Variants in NLRP14 observed in about 807,000 individuals in gnomAD.
NLRP14 encodes NLR family pyrin domain containing 14, also known as NACHT, LRR and PYD domains-containing protein 14.
Under a neutral mutation model 94.7 loss-of-function variants are expected in NLRP14, and 105 were observed. The observed-to-expected ratio is 1.11, with a 90% CI of 0.95 to 1.30. The LOEUF is 1.30. NLRP14 is among the 50% of genes most tolerant of loss of function. The probability of loss-of-function intolerance (pLI) is 0.00; values close to 1 mark genes in which losing one functional copy is unlikely to be tolerated. For missense variants in NLRP14, 1,362 were observed against 1,254.1 expected, an observed-to-expected ratio of 1.09 and a Z score of -1.30; for synonymous variants, 508 against 459.9, an observed-to-expected ratio of 1.10 and a Z score of -1.34.
At chr11:7,056,542 A>G (rs1852518865) in intron 6 of NLRP14, among the ~76,000 whole-genome samples, 1 of 150,274 alleles carries the variant, frequency 6.7e-6, no homozygotes, top group African/African-American at 2.4e-5. Context: ...AGAAATCTCA[A>G]GAAACTCATA....
At chr11:7,044,806 A>G (rs1490236799) in intron 4 of NLRP14, among the ~76,000 whole-genome samples, 2 of 152,102 alleles carry the variant, frequency 1.3e-5, no homozygotes, top group Non-Finnish European at 2.9e-5. Flanking sequence ...GTTGTTGGCA[A>G]CCATCTCTAT....
At chr11:7,046,591 C>T (rs1160886853) in intron 4 of NLRP14, 77 bp from the exon 5 acceptor site, 2 of 1,355,624 alleles carry the variant, frequency 1.5e-6, no homozygotes, top group Non-Finnish European at 2.1e-6. Flanking sequence ...ACTTTTACTC[C>T]AATACTATCC....
At chr11:7,063,436 G>A (rs1285172797) in intron 10 of NLRP14, among the ~76,000 whole-genome samples, 2 of 152,010 alleles carry the variant, frequency 1.3e-5, no homozygotes, top group African/African-American at 2.4e-5. Flanking sequence ...GAGAGACCTA[G>A]GATTTTACAG....
the NLRP14 span, among the ~76,000 whole-genome samples, chr11:7,080,132 G>A: frequency 2.6e-5 from 4 of 152,296 alleles, no homozygotes; most frequent in East Asian, 3.9e-4. Flanking sequence ...AATTTCTTAC[G>A]TATTTAACAA....
At chr11:7,026,314 A>G (rs1408448425) in intron 1 of NLRP14, among the ~76,000 whole-genome samples, 1 of 152,230 alleles carries the variant, frequency 6.6e-6, no homozygotes, top group African/African-American at 2.4e-5. Flanking sequence ...TACAAGAAAA[A>G]AACAAGTAAC....
At chr11:7,076,928 C>T in the NLRP14 span, among the ~76,000 whole-genome samples, 1 of 152,172 alleles carries the variant, frequency 6.6e-6, no homozygotes, top group Non-Finnish European at 1.5e-5. Flanking sequence ...TCCTACTCTT[C>T]CAGGGAACAC....
intron 6 of NLRP14, among the ~76,000 whole-genome samples, 179 bp downstream of exon 6, chr11:7,050,017 C>T (rs1411285920): frequency 1.3e-5 from 2 of 152,172 alleles, no homozygotes; most frequent in African/African-American, 4.8e-5. Flanking sequence ...ACTTCTCATT[C>T]CTCCCATCTC....
At chr11:7,071,928 A>G (rs985562019), downstream of NLRP14, among the ~76,000 whole-genome samples, 8 of 152,194 alleles carry the variant, frequency 5.3e-5, no homozygotes, top group African/African-American at 1.9e-4. Context: ...AATACTTTCT[A>G]TAGCTTATTG....
chr11:7,053,361 G>A (rs1852469191), intron 6 of NLRP14, among the ~76,000 whole-genome samples: 1 of 151,348 alleles, frequency 6.6e-6, no homozygotes, highest in South Asian at 2.1e-4. Flanking sequence ...GACCCAGATA[G>A]TACAAAATAT....
intron 1 of NLRP14, among the ~76,000 whole-genome samples, chr11:7,035,986 A>T (rs1000947102): frequency 3.3e-5 from 5 of 152,214 alleles, no homozygotes; most frequent in Non-Finnish European, 7.3e-5. Context: ...AAGTTTCTTA[A>T]TTTCTGAGAC....
At chr11:7,049,519 T>C in intron 5 of NLRP14, 152 bp from the exon 6 acceptor site, 1 of 653,252 alleles carries the variant, frequency 1.5e-6, no homozygotes. Flanking sequence ...AGGTCATAAA[T>C]AGAAATTGAA....
chr11:7,067,218 G>GT (rs1204124616), intron 10 of NLRP14, among the ~76,000 whole-genome samples: 4 of 152,088 alleles, frequency 2.6e-5, no homozygotes, highest in African/African-American at 9.7e-5. Context: ...ATTTAAAGTA[G>GT]TTTTTTCTAA....
At chr11:7,042,271 CTA>C in intron 3 of NLRP14, 115 bp from the exon 4 acceptor site, 1 of 771,492 alleles carries the variant, frequency 1.3e-6, no homozygotes, top group Non-Finnish European at 2.2e-6. Context: ...TGATTTCAGC[CTA>C]TGTTCTTTCT....
chr11:7,071,384 G>A lies in NLRP14; in HGVS notation c.*76G>A. ...CATAGATATATACCCAGACTTGGGT[G>A]CTTAGCTTCAGATACTCTATGCCCA... On this transcript the variant is annotated 3_prime_UTR_variant, in exon 12 of 12. Transcript: ENST00000299481. 3.2e-6 allele frequency: 4 copies of A among 1,255,458 alleles called. No individual in the cohort carries two copies. Among genetic ancestry groups the A allele is most frequent in the East Asian group, 2.5e-5 (1 of 39,424 alleles). The allele number at this position is 1,255,458 out of a possible 1,614,324, so 77.8% of individuals were successfully genotyped here.
At chr11:7,080,112 T>C in the NLRP14 span, among the ~76,000 whole-genome samples, 1 of 152,226 alleles carries the variant, frequency 6.6e-6, no homozygotes, top group East Asian at 1.9e-4. Context: ...AAGCTAAACC[T>C]TTGAAGAAGA....
chr11:7,069,810 A>G (rs937929093), intron 10 of NLRP14, among the ~76,000 whole-genome samples: 3 of 151,928 alleles, frequency 2.0e-5, no homozygotes, highest in Non-Finnish European at 4.4e-5. Flanking sequence ...TATCTTTAGT[A>G]GAGACAAGGT....
the NLRP14 span, among the ~76,000 whole-genome samples, chr11:7,076,644 T>A: frequency 6.6e-6 from 1 of 152,094 alleles, no homozygotes; most frequent in Non-Finnish European, 1.5e-5. Context: ...ATCTTATATA[T>A]CATCATCTCC....
At chr11:7,049,038 G>A (rs896061232) in intron 5 of NLRP14, among the ~76,000 whole-genome samples, 2 of 152,028 alleles carry the variant, frequency 1.3e-5, no homozygotes, top group Non-Finnish European at 2.9e-5. Context: ...GTGGTGGGCC[G>A]AAAGGAGGAA....
intron 4 of NLRP14, among the ~76,000 whole-genome samples, chr11:7,045,271 A>G (rs1852330662): frequency 6.6e-6 from 1 of 152,218 alleles, no homozygotes; most frequent in Non-Finnish European, 1.5e-5. Context: ...CTATTTAAAG[A>G]AGATGTGATT....
Sources: allele counts gnomAD v4.1 joint callset (sites outside exome capture counted in the v4.1 genomes callset), GRCh38; gene constraint gnomAD v4.1.1; transcripts MANE v1.5; gene names NCBI Gene and HGNC (gene_info 2026-07-23, HGNC 2026-07-21).